The following MAP4K4 variants were observed in gnomAD, a reference collection of about 807,000 sequenced individuals.
The protein encoded by MAP4K4 is HPK/GCK-like kinase HGK.
A neutral mutation model predicts 189.6 loss-of-function variants in MAP4K4; 38 were observed. The observed-to-expected ratio is 0.20, with a 90% CI of 0.15 to 0.26. The LOEUF is 0.26. MAP4K4 is among the 10% of genes least tolerant of loss of function. The probability of loss-of-function intolerance (pLI) is 1.00; values close to 1 mark genes in which losing one functional copy is unlikely to be tolerated. For synonymous variants in MAP4K4, 610 were observed against 624.3 expected (o/e 0.98, Z 0.34); for missense variants, 1,054 against 1,726.9 (o/e 0.61, Z 6.91).
exon 28 of MAP4K4, chr2:101,882,675 T>C: frequency 6.3e-7 from 1 of 1,586,272 alleles, no homozygotes; most frequent in South Asian, 1.2e-5. Flanking sequence ...GATGTGTACA[T>C]TATAAAGTTG....
chr2:101,765,886 C>T (rs1034834589), intron 2 of MAP4K4, among the ~76,000 whole-genome samples: 29 of 151,656 alleles, frequency 1.9e-4, no homozygotes, highest in African/African-American at 6.8e-4. Context: ...AGTGTAGACC[C>T]GGTTGAATTT....
At chr2:101,841,600 C>A (rs2096919082) in intron 10 of MAP4K4, among the ~76,000 whole-genome samples, 2 of 151,960 alleles carry the variant, frequency 1.3e-5, no homozygotes, top group African/African-American at 4.8e-5. Context: ...TGTTGAGTAG[C>A]TGGGATTATA....
rs1376641910 is a variant in MAP4K4, at chr2:101,763,316, C to G, written c.124-27404C>G. 2.6e-5 allele frequency among the ~76,000 whole-genome samples: 4 copies of G among 152,318 alleles called. No homozygotes were observed. The East Asian group carries it at 7.7e-4, about 29-fold the overall frequency. Reference sequence around the variant, plus strand: ...CTGTAGAGCTAGACAGGAGTTAGTTCATGACAGAATCACATTGCAAAGAGA... The same window carrying G: ...CTGTAGAGCTAGACAGGAGTTAGTTGATGACAGAATCACATTGCAAAGAGA... On this transcript the variant is annotated intron_variant, in intron 2 of 32. Coordinates refer to ENST00000324219, the Ensembl canonical transcript of MAP4K4.
chr2:101,877,845 G>A (rs2098255506), intron 27 of MAP4K4, among the ~76,000 whole-genome samples: 1 of 151,928 alleles, frequency 6.6e-6, no homozygotes, highest in Non-Finnish European at 1.5e-5. Flanking sequence ...CGTCTCCCAG[G>A]TTCACACCAT....
chr2:101,892,583 G>A, exon 33 of MAP4K4: 1 of 287,568 alleles, frequency 3.5e-6, no homozygotes, highest in South Asian at 3.1e-5. Context: ...TCTTGGGGGT[G>A]GGGGAGTTTC....
chr2:101,721,298 C>T (rs1266614593), intron 2 of MAP4K4, among the ~76,000 whole-genome samples: 3 of 151,032 alleles, frequency 2.0e-5, no homozygotes, highest in Admixed American at 1.3e-4. Context: ...TTTTTTTTCT[C>T]TAGGGCAGTG....
intron 2 of MAP4K4, among the ~76,000 whole-genome samples, chr2:101,771,634 C>T (rs2081467317): frequency 6.6e-6 from 1 of 152,160 alleles, no homozygotes; most frequent in Non-Finnish European, 1.5e-5. Context: ...GTTAAATCCA[C>T]TCTATTCTTA....
chr2:101,890,405 C>T (rs773740522), intron 32 of MAP4K4, among the ~76,000 whole-genome samples: 42 of 152,264 alleles, frequency 2.8e-4, no homozygotes, highest in Middle Eastern at 6.8e-3. Flanking sequence ...ATGGTCACTC[C>T]TTACAAATTA....
chr2:101,782,982 C>G (rs1467036417), intron 2 of MAP4K4, among the ~76,000 whole-genome samples: 1 of 152,018 alleles, frequency 6.6e-6, no homozygotes, highest in Non-Finnish European at 1.5e-5. Context: ...CAGTAGATTT[C>G]CCAGTGCTGT....
In MAP4K4 at chr2:101,866,406, C is replaced by T. The variant is rs367823144; in HGVS notation, c.2205-22C>T. On this transcript the variant is annotated intron_variant, in intron 18 of 32. Coordinates refer to ENST00000324219, the Ensembl canonical transcript of MAP4K4. ...ATCTAGAGATGACACATTAGCTGTT[C>T]TCTCTTCTTCTTTTCTAACAGCAGT... 2.4e-4 allele frequency: 383 copies of T among 1,596,538 alleles called. 2 individuals are homozygous for T. Among genetic ancestry groups the T allele is most frequent in the South Asian group, 5.0e-4 (45 of 90,548 alleles).
intron 7 of MAP4K4, among the ~76,000 whole-genome samples, chr2:101,834,146 CTCCT>C (rs1184799456): frequency 6.6e-6 from 1 of 151,248 alleles, no homozygotes; most frequent in Non-Finnish European, 1.5e-5. Flanking sequence ...AATCAATTTT[CTCCT>C]TCCTTCCTTT....
intron 3 of MAP4K4, among the ~76,000 whole-genome samples, chr2:101,801,205 A>G (rs1247544799): frequency 6.6e-6 from 1 of 152,040 alleles, no homozygotes; most frequent in African/African-American, 2.4e-5. Flanking sequence ...ATTCCCTGTA[A>G]ATGTATAGAA....
chr2:101,841,096 G>C (rs141799238), intron 10 of MAP4K4, among the ~76,000 whole-genome samples: 2 of 152,282 alleles, frequency 1.3e-5, no homozygotes, highest in African/African-American at 2.4e-5. Context: ...ACATTTGCCA[G>C]ATACCTTGGA....
intron 2 of MAP4K4, among the ~76,000 whole-genome samples, chr2:101,702,297 G>A (rs2149160308): frequency 6.6e-6 from 1 of 152,268 alleles, no homozygotes; most frequent in South Asian, 2.1e-4. Flanking sequence ...CGGACGCGGT[G>A]GCTTACGCTT....
In MAP4K4 at chr2:101,698,385, A is replaced by G. The variant is rs905384296; in HGVS notation, c.58-88A>G. 21 of 1,252,686 alleles carry G rather than the reference A, an allele frequency of 1.7e-5. No homozygotes were observed. The Middle Eastern group carries it at 7.4e-4, about 44-fold the overall frequency. 77.6% of individuals were successfully genotyped at this position (1,252,686 alleles called of 1,614,324 possible). ...CGGGGCGAAGCCCACCTCTTTTGTC[A>G]CCGCCTTTTCTCTCCAACTGCCTTG... On this transcript the variant is annotated intron_variant, in intron 1 of 32. Coordinates refer to ENST00000324219, the Ensembl canonical transcript of MAP4K4.
chr2:101,709,241 C>T (rs1280294018), intron 2 of MAP4K4, among the ~76,000 whole-genome samples: 5 of 152,176 alleles, frequency 3.3e-5, no homozygotes, highest in African/African-American at 4.8e-5. Flanking sequence ...CTCACTCTGT[C>T]GCCCAGGCTG....
At chr2:101,758,044 C>G (rs1288722212) in intron 2 of MAP4K4, among the ~76,000 whole-genome samples, 1 of 152,038 alleles carries the variant, frequency 6.6e-6, no homozygotes, top group African/African-American at 2.4e-5. Flanking sequence ...CAAACAAAAG[C>G]AATAACAATA....
At chr2:101,885,351 A>T in intron 29 of MAP4K4, 64 bp downstream of exon 29, 1 of 936,796 alleles carries the variant, frequency 1.1e-6, no homozygotes, top group Non-Finnish European at 1.6e-6. Flanking sequence ...AGAGTCAGGG[A>T]ATATGTTTAA....
chr2:101,866,317 G>T, intron 18 of MAP4K4, 111 bp from the exon 19 acceptor site: 4 of 917,208 alleles, frequency 4.4e-6, no homozygotes, highest in Non-Finnish European at 4.8e-6. Flanking sequence ...ACTGTTTTTT[G>T]TCTCCCTACA....
Sources: gnomAD v4.1 joint callset for allele counts (sites outside exome capture counted in the v4.1 genomes callset) on GRCh38, gnomAD v4.1.1 for gene constraint, MANE v1.5 for transcripts, NCBI Gene and HGNC (gene_info 2026-07-23, HGNC 2026-07-21) for gene names.